The following CAMSAP2 variants were observed in gnomAD, a reference collection of about 807,000 sequenced individuals.
The protein encoded by CAMSAP2 is calmodulin regulated spectrin associated protein family member 2, also known as calmodulin-regulated spectrin-associated protein 2.
CAMSAP2 carries 26 observed loss-of-function variants against 146.1 expected under a neutral mutation model. That is an observed-to-expected ratio of 0.18 (90% CI 0.13 to 0.25). CAMSAP2 has a LOEUF of 0.25. Among genes scored for constraint, CAMSAP2 ranks in the 10% least tolerant of loss-of-function variants. CAMSAP2 has a pLI of 1.00. For missense variants in CAMSAP2, 1,381 were observed against 1,759.3 expected, an observed-to-expected ratio of 0.78 and a Z score of 3.85; for synonymous variants, 499 against 596.6, an observed-to-expected ratio of 0.84 and a Z score of 2.38.
chr1:200,765,678 T>TA (rs1664930558), intron 2 of CAMSAP2, among the ~76,000 whole-genome samples: 1 of 152,188 alleles, frequency 6.6e-6, no homozygotes. Context: ...ACTGAGATCT[T>TA]AGAGGTGGAT....
At chr1:200,804,403 A>G (rs1666117957) in intron 2 of CAMSAP2, among the ~76,000 whole-genome samples, 1 of 151,808 alleles carries the variant, frequency 6.6e-6, no homozygotes, top group African/African-American at 2.4e-5. Flanking sequence ...TTGGTTGGAT[A>G]TTGTTTTCTT....
intron 2 of CAMSAP2, among the ~76,000 whole-genome samples, chr1:200,783,169 A>T (rs1185799490): frequency 6.6e-6 from 1 of 152,100 alleles, no homozygotes; most frequent in Non-Finnish European, 1.5e-5. Context: ...GCAATGTCTG[A>T]GCGTTCCAGT....
chr1:200,860,617 T>C lies in CAMSAP2; in HGVS notation c.*2558T>C, dbSNP rs531398131. ...CTTACAGGTTTTTTGTTTTTTAAGA[T>C]GCTGTGCTGTAAAATACTGTCATAC... On this transcript the variant is annotated 3_prime_UTR_variant, in exon 17 of 17. Transcript: ENST00000358823. 6.6e-6 allele frequency: 1 copy of C among 152,500 alleles called. No homozygotes were observed. Among genetic ancestry groups the C allele is most frequent in the South Asian group, 2.1e-4 (1 of 4,830 alleles). The allele number at this position is 152,500 out of a possible 1,614,324, so 9.4% of individuals were successfully genotyped here. A position where few individuals can be genotyped will look rare whatever the true frequency, so the allele number is the denominator to read the frequency against.
At chr1:200,755,724 C>T (rs765186435) in intron 1 of CAMSAP2, among the ~76,000 whole-genome samples, 3 of 152,180 alleles carry the variant, frequency 2.0e-5, no homozygotes, top group Non-Finnish European at 2.9e-5. Flanking sequence ...GTGTTTCAGA[C>T]GCAGTTCCAG....
At chr1:200,826,259 C>T (rs572836097) in intron 4 of CAMSAP2, among the ~76,000 whole-genome samples, 44 of 151,856 alleles carry the variant, frequency 2.9e-4, no homozygotes, top group African/African-American at 9.7e-4. Context: ...GGTGAAACCC[C>T]GTCTCTACCA....
intron 4 of CAMSAP2, among the ~76,000 whole-genome samples, chr1:200,817,695 C>T (rs1237214270): frequency 6.6e-6 from 1 of 152,202 alleles, no homozygotes; most frequent in Non-Finnish European, 1.5e-5. Flanking sequence ...GCTGTTCTGT[C>T]TCTTATCAAC....
intron 4 of CAMSAP2, among the ~76,000 whole-genome samples, chr1:200,817,138 A>G (rs567929484): frequency 1.0e-3 from 129 of 129,260 alleles, no homozygotes; most frequent in Admixed American, 3.5e-3. Context: ...ATATATGTGT[A>G]TATATACACA....
At position 200,832,125 on chromosome 1, in the gene CAMSAP2, A is replaced by C; in HGVS notation, c.646-75A>C. 2 of 1,159,896 alleles carry C rather than the reference A, an allele frequency of 1.7e-6. No individual in the cohort carries two copies. Among genetic ancestry groups the C allele is most frequent in the Non-Finnish European group, 2.4e-6 (2 of 830,728 alleles). 71.9% of individuals were successfully genotyped at this position (1,159,896 alleles called of 1,614,324 possible). On this transcript the variant is annotated intron_variant, in intron 4 of 16. Coordinates refer to ENST00000358823, the MANE Select transcript of CAMSAP2 (RefSeq NM_203459.4). This position sits in a 1 kb window ranked among gnomAD's most constrained non-coding sequence, Gnocchi z 4.2. ...ATTTATTTTATTACTGGTACATTAG[A>C]ATTTACAGTACTGATTTTTTTCCTA...
rs757709379 is a variant in CAMSAP2 at position 200,748,183 on chromosome 1, A to G, written c.139+8217A>G. On this transcript the variant is annotated intron_variant, in intron 1 of 16. Transcript: ENST00000358823. ...AACAATAATCTTTCATGTACCCATC[A>G]TCCAGCCCCTGCTGTCATCAACTTA... Among the ~76,000 whole-genome samples the G allele has an allele frequency of 1.3e-5, 2 of 152,166 alleles. 1 individual carries two copies. Among genetic ancestry groups the G allele is most frequent in the South Asian group, 4.1e-4 (2 of 4,828 alleles).
intron 4 of CAMSAP2, chr1:200,828,508 A>G (rs1221096000): frequency 6.8e-7 from 1 of 1,466,718 alleles, no homozygotes; most frequent in Non-Finnish European, 9.3e-7. Flanking sequence ...TTAATTGAAG[A>G]TAATTCTGAT....
At chr1:200,815,776 C>T (rs899114284) in intron 4 of CAMSAP2, 132 bp downstream of exon 4, 1 of 422,186 alleles carries the variant, frequency 2.4e-6, no homozygotes, top group Non-Finnish European at 4.2e-6. Context: ...CCTAGAAAGC[C>T]ATACTGTAAA....
chr1:200,820,600 C>T (rs1666731364), intron 4 of CAMSAP2, among the ~76,000 whole-genome samples: 1 of 152,150 alleles, frequency 6.6e-6, no homozygotes, highest in African/African-American at 2.4e-5. Context: ...TACTTCAGCC[C>T]TTATGAATTT....
intron 4 of CAMSAP2, among the ~76,000 whole-genome samples, chr1:200,824,910 C>T (rs1318286501): frequency 6.6e-6 from 1 of 151,888 alleles, no homozygotes; most frequent in Non-Finnish European, 1.5e-5. Flanking sequence ...GCCCGGGAGG[C>T]GGAGGTTGCA....
At chr1:200,796,241 T>C (rs1457474954) in intron 2 of CAMSAP2, among the ~76,000 whole-genome samples, 2 of 152,200 alleles carry the variant, frequency 1.3e-5, no homozygotes, top group Non-Finnish European at 2.9e-5. Flanking sequence ...CTATTTGCTG[T>C]TCAATAGTTA....
At chr1:200,856,953 G>C (rs1272629790) in intron 15 of CAMSAP2, among the ~76,000 whole-genome samples, 1 of 151,536 alleles carries the variant, frequency 6.6e-6, no homozygotes, top group African/African-American at 2.4e-5. Context: ...GCTTTTTTTT[G>C]CCTTTTGAAA....
chr1:200,842,367 T>C (rs1032790001), intron 7 of CAMSAP2, among the ~76,000 whole-genome samples: 2 of 152,214 alleles, frequency 1.3e-5, no homozygotes, highest in Admixed American at 1.3e-4. Context: ...CCAGCTTTTA[T>C]TCCCTTTTAG....
intron 4 of CAMSAP2, among the ~76,000 whole-genome samples, chr1:200,820,587 G>A (rs1666731205): frequency 6.6e-6 from 1 of 152,220 alleles, no homozygotes; most frequent in Admixed American, 6.5e-5. Context: ...CTCTTTGCCT[G>A]ATTACTTCAG....
intron 2 of CAMSAP2, among the ~76,000 whole-genome samples, chr1:200,792,327 A>G (rs1665776303): frequency 6.6e-6 from 1 of 152,354 alleles, no homozygotes; most frequent in East Asian, 1.9e-4. Context: ...ATTGATACAT[A>G]TAACAGCTTG....
Position 200,832,900 on chromosome 1 carries a change from AAAAC to A in CAMSAP2, c.927+63_927+66del, listed in dbSNP as rs1315118794. On this transcript the variant is annotated intron_variant, in intron 6 of 16. Coordinates refer to ENST00000358823, the MANE Select transcript of CAMSAP2 (RefSeq NM_203459.4). This position sits in a 1 kb window ranked among gnomAD's most constrained non-coding sequence, Gnocchi z 4.2. The stretch of plus-strand genomic sequence containing the variant: ...GCTTTGTTAAAATATGTTTTTTTAA[AAAAC>A]AAACAAAAACACCGGGAACAGTGGC... 4 of 1,418,784 alleles carry A rather than the reference AAAAC, an allele frequency of 2.8e-6. No individual in the cohort carries two copies. Among genetic ancestry groups the A allele is most frequent in the Middle Eastern group, 1.8e-4 (1 of 5,418 alleles). The allele number at this position is 1,418,784 out of a possible 1,614,324, so 87.9% of individuals were successfully genotyped here. A position where few individuals can be genotyped will look rare whatever the true frequency, so the allele number is the denominator to read the frequency against.
Sources: allele counts gnomAD v4.1 joint callset (sites outside exome capture counted in the v4.1 genomes callset), GRCh38; gene constraint gnomAD v4.1.1; non-coding constraint Gnocchi (gnomAD v3.1); transcripts MANE v1.5; gene names NCBI Gene and HGNC (gene_info 2026-07-23, HGNC 2026-07-21).